Variants in NTN1 observed in about 807,000 individuals in gnomAD.
NTN1 encodes the protein netrin 1, also known as netrin-1.
NTN1 carries 11 observed loss-of-function variants against 54.2 expected under a neutral mutation model. The ratio of observed to expected loss-of-function variants is 0.20; its 90% CI spans 0.13 to 0.34. NTN1 has a LOEUF of 0.34. Among genes scored for constraint, NTN1 ranks in the 10% least tolerant of loss-of-function variants. The probability of loss-of-function intolerance (pLI) is 1.00; values close to 1 mark genes in which losing one functional copy is unlikely to be tolerated. For missense variants in NTN1, 740 were observed against 893.1 expected, an observed-to-expected ratio of 0.83 and a Z score of 2.18; for synonymous variants, 371 against 382.0, an observed-to-expected ratio of 0.97 and a Z score of 0.33.
At chr17:9,121,266 T>C (rs1214373001) in intron 2 of NTN1, among the ~76,000 whole-genome samples, 1 of 152,200 alleles carries the variant, frequency 6.6e-6, no homozygotes, top group Non-Finnish European at 1.5e-5. Context: ...TTCAAGTTCC[T>C]TGTGACTTTC....
intron 2 of NTN1, among the ~76,000 whole-genome samples, chr17:9,145,266 C>G (rs747207754): frequency 9.2e-5 from 14 of 152,208 alleles, no homozygotes; most frequent in Non-Finnish European, 1.6e-4. Context: ...TCCCTCCAAC[C>G]CTGACTTGTA....
At chr17:9,112,161 A>G (rs1182207087) in intron 2 of NTN1, among the ~76,000 whole-genome samples, 1 of 152,234 alleles carries the variant, frequency 6.6e-6, no homozygotes, top group Non-Finnish European at 1.5e-5. Context: ...CTGTGGCTGT[A>G]TCCCCTGCAA....
intron 5 of NTN1, among the ~76,000 whole-genome samples, chr17:9,204,193 CTCCT>C (rs377435744): frequency 0.013 from 1,966 of 147,138 alleles, 34 homozygotes; most frequent in African/African-American, 0.04. Context: ...CCTTCCTTCC[CTCCT>C]TCCTTCCTTC....
chr17:9,073,278 C>A (rs8076013), intron 2 of NTN1, among the ~76,000 whole-genome samples: 1 of 152,134 alleles, frequency 6.6e-6, no homozygotes. Context: ...ATCAAAGCCG[C>A]GGGTGAAGGT....
chr17:9,063,299 T>C (rs1285027812), intron 2 of NTN1, among the ~76,000 whole-genome samples: 2 of 152,130 alleles, frequency 1.3e-5, no homozygotes, highest in Non-Finnish European at 1.5e-5. Flanking sequence ...GGTTTCATCA[T>C]GTTGGCCAGG....
intron 3 of NTN1, chr17:9,176,176 C>G (rs1015515557): frequency 6.5e-6 from 1 of 152,836 alleles, no homozygotes; most frequent in African/African-American, 2.4e-5. Context: ...CCCCTGCCCC[C>G]CCGTGGCCCT....
At chr17:9,096,135 GATATGTCCATCAGGTATCCAC>G (rs2092131260) in intron 2 of NTN1, among the ~76,000 whole-genome samples, 3 of 152,026 alleles carry the variant, frequency 2.0e-5, no homozygotes, top group Admixed American at 2.0e-4. Flanking sequence ...ATGAAACTTT[GATATGTCCATCAGGTATCCAC>G]ATGGTTTCCT....
In NTN1 at chr17:9,212,873, T is replaced by TG. The variant is rs1281643025; in HGVS notation, c.1412-8294dup. The stretch of plus-strand genomic sequence containing the variant: ...CCCTGCTCCAAGGGGAGGTGCCAGA[T>TG]GCGGTGCCCCTGGCTTCAACCGTGG... On this transcript the variant is annotated intron_variant, in intron 5 of 6. Transcript: ENST00000173229. The surrounding 1 kb of genome is among the most constrained non-coding windows in gnomAD (Gnocchi z 5.5). Among the ~76,000 whole-genome samples, 3 of 152,182 alleles carry TG rather than the reference T, an allele frequency of 2.0e-5. No individual in the cohort carries two copies. The highest frequency in any genetic ancestry group is 4.4e-5 in the Non-Finnish European group (3 of 68,026).
chr17:9,051,158 G>A lies in NTN1; in HGVS notation c.1018+27767G>A, dbSNP rs906444650. Among the ~76,000 whole-genome samples the A allele has an allele frequency of 2.0e-5, 3 of 152,182 alleles. No homozygotes were observed. The South Asian group carries it at 6.2e-4, about 31-fold the overall frequency. On this transcript the variant is annotated intron_variant, in intron 2 of 6. Transcript: ENST00000173229. ...GGAGCTTTCTCACAGGCTCTCCTTG[G>A]CAGGCCACTTAAAGTTACACCGACT... is the stretch of plus-strand genomic sequence containing the variant.
chr17:9,043,577 C>CT (rs111336083), intron 2 of NTN1, among the ~76,000 whole-genome samples: 29,699 of 145,858 alleles, frequency 0.2, 3,370 homozygotes, highest in African/African-American at 0.3. Context: ...TAATCTCTCT[C>CT]TTTTTTTTTT....
chr17:9,008,288 TTTTAA>T, the NTN1 span, among the ~76,000 whole-genome samples: 5,321 of 151,030 alleles, frequency 0.035, 291 homozygotes, highest in African/African-American at 0.12. Flanking sequence ...CTAGGCAACT[TTTTAA>T]TTTAAGTTAA....
At chr17:9,138,081 A>G (rs1318686881) in intron 2 of NTN1, among the ~76,000 whole-genome samples, 1 of 152,184 alleles carries the variant, frequency 6.6e-6, no homozygotes, top group African/African-American at 2.4e-5. Context: ...CTGAAGCCAC[A>G]GGGCCTGCTG....
At chr17:9,133,924 A>C (rs1166115857) in intron 2 of NTN1, among the ~76,000 whole-genome samples, 1 of 45,322 alleles carries the variant, frequency 2.2e-5, no homozygotes, top group East Asian at 8.1e-4. Context: ...TTTTTTTTTG[A>C]GACAGAGTCT....
chr17:9,201,583 T>C (rs141430091), intron 5 of NTN1, among the ~76,000 whole-genome samples: 15 of 152,336 alleles, frequency 9.8e-5, no homozygotes, highest in Non-Finnish European at 2.2e-4. Flanking sequence ...CTCACACATA[T>C]GGCCTCCCTT....
At chr17:9,091,276 C>T (rs1412140710) in intron 2 of NTN1, among the ~76,000 whole-genome samples, 1 of 152,058 alleles carries the variant, frequency 6.6e-6, no homozygotes, top group African/African-American at 2.4e-5. Context: ...GTTTTAGAGA[C>T]AGGGTCTCGC....
At chr17:9,012,340 A>C in the NTN1 span, among the ~76,000 whole-genome samples, 1 of 152,036 alleles carries the variant, frequency 6.6e-6, no homozygotes, top group Non-Finnish European at 1.5e-5. Context: ...GGTAAAACCC[A>C]TCTCTACTAA....
chr17:9,105,386 G>A (rs2092162529), intron 2 of NTN1, among the ~76,000 whole-genome samples: 1 of 152,212 alleles, frequency 6.6e-6, no homozygotes, highest in South Asian at 2.1e-4. Context: ...GTGTGTGTGT[G>A]AATGGTGGCC....
At chr17:9,172,597 A>G (rs1266607283) in intron 3 of NTN1, among the ~76,000 whole-genome samples, 3 of 152,232 alleles carry the variant, frequency 2.0e-5, no homozygotes, top group African/African-American at 7.2e-5. Flanking sequence ...AAATTCAACA[A>G]CAAGGAAACA....
chr17:9,183,553 T>C (rs1433212030), intron 5 of NTN1: 1 of 327,446 alleles, frequency 3.1e-6, no homozygotes, highest in Non-Finnish European at 6.2e-6. Flanking sequence ...TTCTAGCTGG[T>C]GCAGATATCA....
Sources: allele counts gnomAD v4.1 joint callset (sites outside exome capture counted in the v4.1 genomes callset), GRCh38; gene constraint gnomAD v4.1.1; non-coding constraint Gnocchi (gnomAD v3.1); transcripts MANE v1.5; gene names NCBI Gene and HGNC (gene_info 2026-07-23, HGNC 2026-07-21).